The following HLF variants were observed in gnomAD, a reference collection of about 807,000 sequenced individuals.
HLF encodes the protein HLF transcription factor, PAR bZIP family member.
A neutral mutation model predicts 22.6 loss-of-function variants in HLF; 3 were observed. That is an observed-to-expected ratio of 0.13 (90% CI 0.06 to 0.34). The LOEUF is 0.34. Among genes scored for constraint, HLF ranks in the 10% least tolerant of loss-of-function variants. The pLI, the probability that HLF is intolerant of heterozygous loss-of-function variation, is 1.00. For synonymous variants in HLF, 151 were observed against 151.8 expected, an observed-to-expected ratio of 0.99 and a Z score of 0.04; for missense variants, 299 against 389.2, an observed-to-expected ratio of 0.77 and a Z score of 1.95.
intron 2 of HLF, among the ~76,000 whole-genome samples, chr17:55,289,174 A>G (rs1455335238): frequency 6.6e-6 from 1 of 152,212 alleles, no homozygotes; most frequent in South Asian, 2.1e-4. Context: ...ATGTCTCCCC[A>G]TGCCAGCCAG....
At chr17:55,308,469 A>T (rs938829879) in intron 2 of HLF, among the ~76,000 whole-genome samples, 1 of 152,188 alleles carries the variant, frequency 6.6e-6, no homozygotes, top group East Asian at 1.9e-4. Context: ...AAGGGAATTG[A>T]AACTCAGGTA....
chr17:55,288,827 G>A (rs1490494349), intron 2 of HLF: 8 of 525,102 alleles, frequency 1.5e-5, no homozygotes, highest in African/African-American at 2.1e-5. Flanking sequence ...GGATTTAGAT[G>A]CTTACAAATA....
intron 2 of HLF, among the ~76,000 whole-genome samples, chr17:55,314,811 A>G (rs1267040864): frequency 6.6e-6 from 1 of 152,130 alleles, no homozygotes; most frequent in East Asian, 1.9e-4. Flanking sequence ...AATTACTTCC[A>G]TCCCAACATC....
chr17:55,321,011 G>T lies in HLF; in HGVS notation c.*132G>T, dbSNP rs987112281. On this transcript the variant is annotated 3_prime_UTR_variant, in exon 4 of 4. Transcript: ENST00000226067. ...ATAAACACAACTGACTCCCATTTTG[G>T]TGTGCATCTGTGTGTGTGTGCGTGT... 1.9e-5 allele frequency: 13 copies of T among 677,556 alleles called. No individual in the cohort carries two copies. Among genetic ancestry groups the T allele is most frequent in the East Asian group, 5.5e-5 (2 of 36,646 alleles). 42.0% of individuals were successfully genotyped at this position (677,556 alleles called of 1,614,324 possible). A position where few individuals can be genotyped will look rare whatever the true frequency, so the allele number is the denominator to read the frequency against.
chr17:55,285,886 C>A (rs764771653), intron 2 of HLF, among the ~76,000 whole-genome samples: 1 of 152,188 alleles, frequency 6.6e-6, no homozygotes, highest in Non-Finnish European at 1.5e-5. Context: ...TTTACTTTTG[C>A]GCCTGTCTTC....
chr17:55,277,973 CT>C (rs112288277), intron 2 of HLF, among the ~76,000 whole-genome samples: 4,882 of 152,250 alleles, frequency 0.032, 254 homozygotes, highest in African/African-American at 0.11. Flanking sequence ...ACTAATGTTA[CT>C]CTCTTAACTC....
In HLF at chr17:55,321,305, GATCTC is replaced by G. The variant is rs1220045001; in HGVS notation, c.*428_*432del. On this transcript the variant is annotated 3_prime_UTR_variant, in exon 4 of 4. Coordinates refer to ENST00000226067, the MANE Select transcript of HLF (RefSeq NM_002126.5). The stretch of plus-strand genomic sequence containing the variant: ...TAAAAAGGGCCCTGGTAAAATAGTG[GATCTC>G]AGTTTTTAAGAGTACAAGCTCTTGT... 4.0e-6 allele frequency: 1 copy of G among 251,006 alleles called. No individual in the cohort carries two copies. Among genetic ancestry groups the G allele is most frequent in the African/African-American group, 2.2e-5 (1 of 45,728 alleles). 15.5% of individuals were successfully genotyped at this position (251,006 alleles called of 1,614,324 possible). A position where few individuals can be genotyped will look rare whatever the true frequency, so the allele number is the denominator to read the frequency against.
chr17:55,273,111 G>A (rs1173858612), intron 2 of HLF: 2 of 152,256 alleles, frequency 1.3e-5, no homozygotes, highest in Non-Finnish European at 2.9e-5. Flanking sequence ...TGGAAAGCAA[G>A]GCAACTTGGT....
intron 2 of HLF, among the ~76,000 whole-genome samples, chr17:55,311,375 G>T (rs1044610315): frequency 6.6e-6 from 1 of 152,066 alleles, no homozygotes; most frequent in South Asian, 2.1e-4. Flanking sequence ...GTGGTGGCGG[G>T]CGCCTGTAGA....
At chr17:55,291,220 T>A (rs922470056) in intron 2 of HLF, among the ~76,000 whole-genome samples, 4 of 152,142 alleles carry the variant, frequency 2.6e-5, no homozygotes, top group African/African-American at 4.8e-5. Flanking sequence ...AACAACAGAG[T>A]TTCAATATAG....
At chr17:55,281,669 T>TTTAC (rs2080957489) in intron 2 of HLF, among the ~76,000 whole-genome samples, 1 of 152,226 alleles carries the variant, frequency 6.6e-6, no homozygotes. Context: ...AAACACTGAC[T>TTTAC]GTAAGTAGTT....
chr17:55,320,956 C>A lies in HLF; in HGVS notation c.*77C>A. On this transcript the variant is annotated 3_prime_UTR_variant, in exon 4 of 4. Coordinates refer to ENST00000226067, the MANE Select transcript of HLF (RefSeq NM_002126.5). This position sits in a 1 kb window ranked among gnomAD's most constrained non-coding sequence, Gnocchi z 4.2. The stretch of plus-strand genomic sequence containing the variant: ...TCTGATAGCACCACACGCAAACCAA[C>A]CTTTCTGACATCAGCACTTTACCAG... The A allele has an allele frequency of 8.8e-7, 1 of 1,139,376 alleles. No homozygotes were observed. The highest frequency in any genetic ancestry group is 1.3e-6 in the Non-Finnish European group (1 of 784,196). 70.6% of individuals were successfully genotyped at this position (1,139,376 alleles called of 1,614,324 possible). A position where few individuals can be genotyped will look rare whatever the true frequency, so the allele number is the denominator to read the frequency against.
chr17:55,268,108 C>T (rs992992194), intron 2 of HLF, 22 bp downstream of exon 2: 12 of 1,482,944 alleles, frequency 8.1e-6, no homozygotes, highest in Admixed American at 2.3e-5. Flanking sequence ...GAAGATTCTC[C>T]CTTCAGAAAG....
In HLF at chr17:55,320,835, A is replaced by G; in HGVS notation, c.844A>G (p.Lys282Glu). The change falls in exon 4 of 4, where the codon AAG becomes GAG. Residue 282 changes from lysine to glutamate, a missense_variant. Coordinates refer to ENST00000226067, the MANE Select transcript of HLF (RefSeq NM_002126.5). This position sits in a 1 kb window ranked among gnomAD's most constrained non-coding sequence, Gnocchi z 4.2. ...ADLRKELGKC[K>E]NILAKYEARH... ...CTTGAGGAAGGAGCTGGGCAAATGC[A>G]AGAACATACTTGCCAAGTATGAGGC... The G allele has an allele frequency of 6.2e-7, 1 of 1,613,758 alleles. No homozygotes were observed. Among genetic ancestry groups the G allele is most frequent in the Non-Finnish European group, 8.5e-7 (1 of 1,179,920 alleles).
chr17:55,312,362 G>A (rs543639883), intron 2 of HLF, among the ~76,000 whole-genome samples: 2 of 152,268 alleles, frequency 1.3e-5, no homozygotes, highest in South Asian at 2.1e-4. Flanking sequence ...CATTCTGGCA[G>A]TATGTTTAAA....
intron 2 of HLF, among the ~76,000 whole-genome samples, chr17:55,282,954 C>G (rs2080967348): frequency 6.6e-6 from 1 of 152,154 alleles, no homozygotes; most frequent in Non-Finnish European, 1.5e-5. Context: ...AAGCTAGTTA[C>G]TTCCTTAAAA....
chr17:55,287,259 C>T (rs917540129), intron 2 of HLF, among the ~76,000 whole-genome samples: 1 of 152,212 alleles, frequency 6.6e-6, no homozygotes, highest in Non-Finnish European at 1.5e-5. Context: ...GCTTTGCTCC[C>T]CCTTCCCCTT....
At chr17:55,301,313 C>T (rs2081155636) in intron 2 of HLF, among the ~76,000 whole-genome samples, 1 of 152,240 alleles carries the variant, frequency 6.6e-6, no homozygotes, top group Admixed American at 6.5e-5. Context: ...GAGCCTGGCT[C>T]ATAGTAGGGG....
chr17:55,280,110 C>A (rs1230821689), intron 2 of HLF, among the ~76,000 whole-genome samples: 1 of 152,224 alleles, frequency 6.6e-6, no homozygotes. Context: ...TAAATGGCAG[C>A]TTTCAGCAGT....
Sources: allele counts gnomAD v4.1 joint callset (sites outside exome capture counted in the v4.1 genomes callset), GRCh38; gene constraint gnomAD v4.1.1; non-coding constraint Gnocchi (gnomAD v3.1); transcripts MANE v1.5; gene names NCBI Gene and HGNC (gene_info 2026-07-23, HGNC 2026-07-21).